The following TAFA2 variants were observed in gnomAD, a reference collection of about 807,000 sequenced individuals.
TAFA2 encodes the protein chemokine-like protein TAFA-2.
A neutral mutation model predicts 18.8 loss-of-function variants in TAFA2; 7 were observed. The observed-to-expected ratio is 0.37, with a 90% CI of 0.21 to 0.70. The LOEUF (loss-of-function observed/expected upper bound fraction) is 0.70. Among genes scored for constraint, TAFA2 ranks in the 30% least tolerant of loss-of-function variants. The pLI is 0.53. For missense variants in TAFA2, 122 were observed against 158.1 expected, an observed-to-expected ratio of 0.77 and a Z score of 1.23; for synonymous variants, 60 against 54.2, an observed-to-expected ratio of 1.11 and a Z score of -0.47.
chr12:62,096,321 T>C (rs1470058796), intron 1 of TAFA2, among the ~76,000 whole-genome samples: 1 of 152,122 alleles, frequency 6.6e-6, no homozygotes. Context: ...ACATAAGTAC[T>C]ATAGAGAAAG....
At chr12:62,021,383 T>C (rs1192703857) in intron 1 of TAFA2, among the ~76,000 whole-genome samples, 1 of 152,146 alleles carries the variant, frequency 6.6e-6, no homozygotes, top group Non-Finnish European at 1.5e-5. Flanking sequence ...ACCCATCACC[T>C]GAGCAGTATA....
At chr12:61,854,033 C>T (rs886946867) in intron 2 of TAFA2, among the ~76,000 whole-genome samples, 1 of 152,176 alleles carries the variant, frequency 6.6e-6, no homozygotes, top group East Asian at 1.9e-4. Context: ...CCTACTGCAT[C>T]ATTCTACATT....
intron 1 of TAFA2, among the ~76,000 whole-genome samples, chr12:62,021,220 G>A (rs1348067453): frequency 6.6e-6 from 1 of 152,194 alleles, no homozygotes; most frequent in Non-Finnish European, 1.5e-5. Context: ...ATTAGCAGAT[G>A]CTTGGGACAC....
At chr12:62,106,472 G>T (rs1399623036) in intron 1 of TAFA2, among the ~76,000 whole-genome samples, 4 of 152,154 alleles carry the variant, frequency 2.6e-5, no homozygotes, top group Non-Finnish European at 4.4e-5. Context: ...AACTGGTTTG[G>T]GGTTTCTGGG....
upstream of TAFA2, chr12:62,192,902 A>T (rs2062633276): frequency 6.6e-6 from 1 of 152,258 alleles, no homozygotes; most frequent in African/African-American, 2.4e-5. Context: ...TAGATGTAAC[A>T]GACCAGTTTC....
At chr12:62,110,545 A>G (rs1319825990) in intron 1 of TAFA2, among the ~76,000 whole-genome samples, 3 of 151,502 alleles carry the variant, frequency 2.0e-5, no homozygotes, top group Non-Finnish European at 4.4e-5. Context: ...ATAATTTCAG[A>G]AGGAATGGCA....
intron 1 of TAFA2, among the ~76,000 whole-genome samples, chr12:62,054,202 A>G (rs961847858): frequency 6.6e-6 from 1 of 152,230 alleles, no homozygotes; most frequent in Non-Finnish European, 1.5e-5. Context: ...AATTACATAC[A>G]GTAACAGATT....
chr12:62,207,730 A>G (rs1363711282), intron 1 of TAFA2, among the ~76,000 whole-genome samples: 1 of 152,222 alleles, frequency 6.6e-6, no homozygotes, highest in Non-Finnish European at 1.5e-5. Flanking sequence ...CAAAGATCAA[A>G]GAAAAATAAG....
At chr12:61,743,555 T>G (rs1868556075) in intron 4 of TAFA2, among the ~76,000 whole-genome samples, 1 of 152,130 alleles carries the variant, frequency 6.6e-6, no homozygotes, top group Non-Finnish European at 1.5e-5. Context: ...CAGGACTTTC[T>G]TGACCACATC....
chr12:61,725,609 T>C (rs541561203), intron 4 of TAFA2, among the ~76,000 whole-genome samples: 1 of 152,274 alleles, frequency 6.6e-6, no homozygotes, highest in Non-Finnish European at 1.5e-5. Flanking sequence ...TTTTGCTTCA[T>C]TTCTGGGTTC....
Position 61,829,972 on chromosome 12 carries a change from G to A in TAFA2, c.106+37348C>T, listed in dbSNP as rs367569547. ...GCAATAGCATGTCTTCAAGAACATT[G>A]TAGACAATAAGAATGCAGAGAAGTT... On this transcript the variant is annotated intron_variant, in intron 2 of 4. Transcript: ENST00000416284. Among the ~76,000 whole-genome samples, 15 of 151,646 alleles carry A rather than the reference G, an allele frequency of 9.9e-5. No individual in the cohort carries two copies. The East Asian group carries it at 2.7e-3, about 27-fold the overall frequency.
At chr12:61,929,766 C>A (rs1877473846) in intron 1 of TAFA2, among the ~76,000 whole-genome samples, 1 of 151,996 alleles carries the variant, frequency 6.6e-6, no homozygotes, top group Non-Finnish European at 1.5e-5. Context: ...AAATGTCCAA[C>A]AATGATAGCC....
intron 1 of TAFA2, among the ~76,000 whole-genome samples, chr12:61,973,983 T>A (rs1414873981): frequency 6.6e-6 from 1 of 151,646 alleles, no homozygotes; most frequent in East Asian, 1.9e-4. Flanking sequence ...AAATTCTTAT[T>A]AAAACTCTCC....
chr12:61,847,819 T>C (rs2121148752), intron 2 of TAFA2, among the ~76,000 whole-genome samples: 1 of 152,322 alleles, frequency 6.6e-6, no homozygotes, highest in African/African-American at 2.4e-5. Flanking sequence ...TTAAGTAACA[T>C]CTGTTTTGAG....
chr12:61,801,294 A>T (rs889129959), intron 2 of TAFA2, among the ~76,000 whole-genome samples: 2 of 152,176 alleles, frequency 1.3e-5, no homozygotes, highest in Non-Finnish European at 2.9e-5. Context: ...TGGAACCACA[A>T]AAGAGACCAA....
intron 4 of TAFA2, among the ~76,000 whole-genome samples, chr12:61,730,608 T>C (rs1197928076): frequency 1.3e-5 from 2 of 151,926 alleles, no homozygotes; most frequent in African/African-American, 4.8e-5. Flanking sequence ...GGTATGGGGA[T>C]GTGGTTCTCA....
intron 1 of TAFA2, among the ~76,000 whole-genome samples, chr12:62,092,515 A>C (rs189806634): frequency 3.9e-5 from 6 of 152,090 alleles, no homozygotes; most frequent in Admixed American, 3.3e-4. Flanking sequence ...TGACATGAAT[A>C]ATCTAAATTC....
chr12:61,899,863 T>G (rs1876020761), intron 1 of TAFA2, among the ~76,000 whole-genome samples: 1 of 152,206 alleles, frequency 6.6e-6, no homozygotes, highest in South Asian at 2.1e-4. Flanking sequence ...GTATTATAAG[T>G]GATCTAGAGA....
intron 1 of TAFA2, among the ~76,000 whole-genome samples, chr12:62,034,605 A>G (rs1041723826): frequency 2.0e-5 from 3 of 152,196 alleles, no homozygotes; most frequent in Admixed American, 6.5e-5. Flanking sequence ...AGTATATATT[A>G]GACAGAGAGC....
Sources: allele counts gnomAD v4.1 joint callset (sites outside exome capture counted in the v4.1 genomes callset), GRCh38; gene constraint gnomAD v4.1.1; transcripts MANE v1.5; gene names NCBI Gene and HGNC (gene_info 2026-07-23, HGNC 2026-07-21).